The following LRBA variants were observed in gnomAD, a reference collection of about 807,000 sequenced individuals.
The protein encoded by LRBA is LPS responsive beige-like anchor protein.
A neutral mutation model predicts 330.0 loss-of-function variants in LRBA; 176 were observed. That is an observed-to-expected ratio of 0.53 (90% CI 0.47 to 0.60). LRBA has a LOEUF of 0.60. Ranked by LOEUF, LRBA falls within the 20% of genes least tolerant of loss-of-function variation. The pLI is 0.00. For missense variants in LRBA, 3,259 were observed against 3,444.8 expected (o/e 0.95, Z 1.35); for synonymous variants, 1,230 against 1,193.0 (o/e 1.03, Z -0.64).
intron 22 of LRBA, among the ~76,000 whole-genome samples, chr4:150,863,971 C>T (rs191479388): frequency 3.3e-5 from 5 of 152,188 alleles, no homozygotes; most frequent in Non-Finnish European, 7.4e-5. Context: ...GACAGAGTCT[C>T]GCTCTGTTGC....
intron 42 of LRBA, among the ~76,000 whole-genome samples, chr4:150,482,711 A>C (rs1757424762): frequency 6.6e-6 from 1 of 152,102 alleles, no homozygotes; most frequent in African/African-American, 2.4e-5. Flanking sequence ...AGATTTTTAA[A>C]AAGTTATTCG....
chr4:150,730,378 A>G (rs1052670661), intron 36 of LRBA, among the ~76,000 whole-genome samples: 1 of 152,188 alleles, frequency 6.6e-6, no homozygotes, highest in Non-Finnish European at 1.5e-5. Context: ...TAAATGGCAA[A>G]CAGGCACATG....
intron 37 of LRBA, among the ~76,000 whole-genome samples, chr4:150,625,953 A>G (rs899110495): frequency 2.0e-5 from 3 of 151,698 alleles, no homozygotes; most frequent in Non-Finnish European, 4.4e-5. Flanking sequence ...CAGCCCCCCA[A>G]AGTGCTGAGA....
intron 37 of LRBA, among the ~76,000 whole-genome samples, chr4:150,636,432 G>A (rs1177488361): frequency 1.3e-5 from 2 of 151,892 alleles, no homozygotes; most frequent in Non-Finnish European, 2.9e-5. Context: ...CTTCTTACAT[G>A]TCTCCATCAT....
At chr4:150,603,625 C>G (rs1774336526) in intron 37 of LRBA, among the ~76,000 whole-genome samples, 1 of 152,096 alleles carries the variant, frequency 6.6e-6, no homozygotes, top group Non-Finnish European at 1.5e-5. Context: ...TCCCCAGTAA[C>G]TGAGACATCC....
chr4:150,373,542 C>T (rs1740789194), intron 47 of LRBA, among the ~76,000 whole-genome samples: 1 of 152,106 alleles, frequency 6.6e-6, no homozygotes. Context: ...TATGGGCTGC[C>T]ATAATTTGTT....
chr4:150,504,596 T>C (rs573675371), intron 40 of LRBA, among the ~76,000 whole-genome samples: 1 of 152,182 alleles, frequency 6.6e-6, no homozygotes, highest in East Asian at 1.9e-4. Flanking sequence ...GAAGGAAGCA[T>C]TAAACATGGA....
At chr4:150,294,113 C>A (rs1470797044) in intron 53 of LRBA, among the ~76,000 whole-genome samples, 2 of 152,192 alleles carry the variant, frequency 1.3e-5, no homozygotes, top group Non-Finnish European at 2.9e-5. Flanking sequence ...GGCACCCCGA[C>A]TCCTGTGTTG....
chr4:150,391,034 C>G (rs560597278), intron 47 of LRBA, among the ~76,000 whole-genome samples: 1 of 152,290 alleles, frequency 6.6e-6, no homozygotes, highest in Admixed American at 6.5e-5. Flanking sequence ...CCCAAACTCC[C>G]ATATGGCTAG....
intron 37 of LRBA, among the ~76,000 whole-genome samples, chr4:150,683,208 A>G (rs554751531): frequency 2.6e-5 from 4 of 152,308 alleles, no homozygotes; most frequent in East Asian, 1.9e-4. Flanking sequence ...AAATTTGGCT[A>G]TAAGTGTAGA....
In LRBA at chr4:150,790,649, T is replaced by C. The variant is rs138404399; in HGVS notation, c.5580+7432A>G. Among the ~76,000 whole-genome samples the C allele has an allele frequency of 4.6e-3, 698 of 152,336 alleles. 6 individuals carry two copies. The highest frequency in any genetic ancestry group is 0.016 in the African/African-American group (668 of 41,572). On this transcript the variant is annotated intron_variant, in intron 34 of 56. Coordinates refer to ENST00000651943, the MANE Select transcript of LRBA (RefSeq NM_001364905.1). ...TAAATATTTTAAAATAGTTCATGCA[T>C]CTAAGTTTTTCATGACCAATTTATA...
chr4:150,989,962 G>GA (rs1183404442), intron 2 of LRBA, among the ~76,000 whole-genome samples: 1 of 151,560 alleles, frequency 6.6e-6, no homozygotes, highest in Non-Finnish European at 1.5e-5. Flanking sequence ...CCATCTCTAT[G>GA]AAAAAAAATT....
intron 2 of LRBA, among the ~76,000 whole-genome samples, chr4:150,963,764 C>T (rs887691499): frequency 1.0e-4 from 15 of 148,306 alleles, no homozygotes; most frequent in Middle Eastern, 6.8e-3. Context: ...GGCCGCCCAT[C>T]GTCTGGGATG....
At chr4:150,348,200 T>C (rs1258566777) in intron 48 of LRBA, among the ~76,000 whole-genome samples, 1 of 152,128 alleles carries the variant, frequency 6.6e-6, no homozygotes, top group East Asian at 1.9e-4. Context: ...AGAATAAAAA[T>C]AAAAAGCCAA....
At chr4:150,693,779 A>G in intron 36 of LRBA, among the ~76,000 whole-genome samples, 1 of 152,210 alleles carries the variant, frequency 6.6e-6, no homozygotes, top group South Asian at 2.1e-4. Context: ...TAATGATGTT[A>G]AACATACATT....
At position 150,900,117 on chromosome 4, in the gene LRBA, T is replaced by C. The variant is rs555801414; in HGVS notation, c.1856A>G (p.His619Arg). ...RRVGTVLLIMHTLKYYYWAVN... is the reference protein window; with the variant it reads ...RRVGTVLLIMRTLKYYYWAVN... ...TGCCCAGTAGTAGTACTTCAGCGTG[T>C]GCATGATGAGAAGCACTGTTCCAAC... Residue 619 changes from histidine to arginine, a missense_variant, in exon 14 of 57, where the codon CAC becomes CGC. His to Arg is a conservative substitution (Grantham distance 29). Transcript: ENST00000651943. 4.3e-6 allele frequency: 7 copies of C among 1,613,474 alleles called. No homozygotes were observed. Among genetic ancestry groups the C allele is most frequent in the African/African-American group, 2.7e-5 (2 of 75,036 alleles).
chr4:150,802,155 G>C (rs548474254), intron 33 of LRBA, among the ~76,000 whole-genome samples: 1 of 150,838 alleles, frequency 6.6e-6, no homozygotes, highest in Admixed American at 6.6e-5. Context: ...AGGAAGACAA[G>C]GCTGCAGTGA....
At chr4:150,573,264 C>T (rs951164881) in intron 40 of LRBA, among the ~76,000 whole-genome samples, 4 of 152,168 alleles carry the variant, frequency 2.6e-5, no homozygotes, top group African/African-American at 9.7e-5. Context: ...CCCTGGAACA[C>T]ACAACTCCAG....
At chr4:150,614,644 T>G (rs1482479551) in intron 37 of LRBA, among the ~76,000 whole-genome samples, 1 of 152,112 alleles carries the variant, frequency 6.6e-6, no homozygotes, top group Non-Finnish European at 1.5e-5. Context: ...AAATGTTACA[T>G]GGAAAAAGTA....
Sources: allele counts gnomAD v4.1 joint callset (sites outside exome capture counted in the v4.1 genomes callset), GRCh38; gene constraint gnomAD v4.1.1; transcripts MANE v1.5; gene names NCBI Gene and HGNC (gene_info 2026-07-23, HGNC 2026-07-21).